Variants in AKAP9 observed in about 807,000 individuals in gnomAD.
AKAP9 encodes the protein A-kinase anchoring protein 9.
A neutral mutation model predicts 488.5 loss-of-function variants in AKAP9; 311 were observed. The ratio of observed to expected loss-of-function variants is 0.64; its 90% confidence interval spans 0.58 to 0.70. The LOEUF (loss-of-function observed/expected upper bound fraction) is 0.70, where lower values mean the gene tolerates loss of function less well. Ranked by LOEUF, AKAP9 falls within the 30% of genes least tolerant of loss-of-function variation. The pLI is 0.00. For synonymous variants in AKAP9, 1,462 were observed against 1,483.5 expected (o/e 0.99, Z 0.33); for missense variants, 4,215 against 4,374.5 (o/e 0.96, Z 1.03).
At position 92,070,019 on chromosome 7, in the gene AKAP9, T is replaced by G; in HGVS notation, c.6331-11T>G. ...TTTTTTAAATTAAATTTTTTGCCTC[T>G]TATATTTCAGGTTGAACAGTTAGCA... is the stretch of plus-strand genomic sequence containing the variant. On this transcript the variant is annotated splice_polypyrimidine_tract_variant and intron_variant, in intron 26 of 49. Transcript: ENST00000356239. 1 of 1,609,140 alleles carries G rather than the reference T, an allele frequency of 6.2e-7. No individual in the cohort carries two copies. The highest frequency in any genetic ancestry group is 8.5e-7 in the Non-Finnish European group (1 of 1,178,778).
chr7:92,069,080 A>G (rs1811253382), intron 26 of AKAP9, among the ~76,000 whole-genome samples: 1 of 152,194 alleles, frequency 6.6e-6, no homozygotes, highest in Non-Finnish European at 1.5e-5. Context: ...GACTAGAGAC[A>G]TTTAGGGAAA....
At chr7:92,018,191 T>C (rs978637104) in intron 12 of AKAP9, among the ~76,000 whole-genome samples, 7 of 152,116 alleles carry the variant, frequency 4.6e-5, no homozygotes, top group African/African-American at 1.7e-4. Flanking sequence ...TTTTAATCTA[T>C]TAATTTTATA....
intron 3 of AKAP9, among the ~76,000 whole-genome samples, chr7:91,989,039 C>T (rs1421142253): frequency 1.3e-5 from 2 of 152,124 alleles, no homozygotes; most frequent in Non-Finnish European, 2.9e-5. Context: ...GTTTGGCATA[C>T]ATTAGACGTT....
intron 44 of AKAP9, 28 bp downstream of exon 44, chr7:92,099,897 ATG>A: frequency 6.2e-7 from 1 of 1,606,866 alleles, no homozygotes; most frequent in East Asian, 2.2e-5. Context: ...ATCTCCATAT[ATG>A]AGAATTAGTG....
intron 2 of AKAP9, among the ~76,000 whole-genome samples, chr7:91,974,734 C>G (rs1243945101): frequency 2.0e-5 from 3 of 152,204 alleles, no homozygotes; most frequent in Non-Finnish European, 2.9e-5. Flanking sequence ...CCTATGAACA[C>G]AGGATTTTTT....
Position 92,083,669 on chromosome 7 carries a change from A to G in AKAP9, c.8646+14A>G. ...AGAAGTAAAGAGGTATTTGGTTTTT[A>G]TAATATGTGTTTTTCAACATTGTGT... On this transcript the variant is annotated intron_variant, in intron 33 of 49. Transcript: ENST00000356239. 6.2e-7 allele frequency: 1 copy of G among 1,609,252 alleles called. No homozygotes were observed. The highest frequency in any genetic ancestry group is 8.5e-7 in the Non-Finnish European group (1 of 1,179,002).
Position 92,089,471 on chromosome 7 carries a change from A to G in AKAP9, c.9300A>G (p.Gln3100=). 1 of 1,613,394 alleles carries G rather than the reference A, an allele frequency of 6.2e-7. No homozygotes were observed. ...LLSEIQALHA[Q]MNGRKITLKR... is the part of the protein sequence containing the mutation. ...CTGAAATTCAGGCACTGCATGCACA[A>G]ATGAATGGTAGGAAAATTACTCTGA... is the stretch of plus-strand genomic sequence containing the variant. Residue 3100 remains glutamine, a synonymous_variant, in exon 38 of 50, where the codon CAA becomes CAG. Transcript: ENST00000356239.
intron 5 of AKAP9, 103 bp from the exon 6 acceptor site, chr7:91,994,518 G>C (rs1483834432): frequency 3.1e-6 from 3 of 978,068 alleles, no homozygotes; most frequent in Non-Finnish European, 3.1e-6. Flanking sequence ...ATTACAAAGT[G>C]TAAGAATTAT....
At chr7:92,091,102 G>A (rs1342059243) in intron 38 of AKAP9, among the ~76,000 whole-genome samples, 1 of 152,114 alleles carries the variant, frequency 6.6e-6, no homozygotes, top group African/African-American at 2.4e-5. Context: ...GGTACTTTTT[G>A]ATAACAGTAT....
rs527278611 is a variant in AKAP9, at chr7:91,961,742, G to A, written c.49-11969G>A. 2.6e-5 allele frequency among the ~76,000 whole-genome samples: 4 copies of A among 151,914 alleles called. No homozygotes were observed. In the East Asian group the frequency reaches 7.9e-4, roughly 30 times the overall value. On this transcript the variant is annotated intron_variant, in intron 1 of 49. Coordinates refer to ENST00000356239, the MANE Select transcript of AKAP9 (RefSeq NM_005751.5). ...GCCTGTAGTCCCAGCTACTCGGGAG[G>A]CTGAGTCAGGAGAATGGCGTGAACT... is the stretch of plus-strand genomic sequence containing the variant.
rs1302730178 is a variant in AKAP9, at chr7:92,073,043, G to A, written c.6612+2034G>A. Among the ~76,000 whole-genome samples, 4 of 152,234 alleles carry A rather than the reference G, an allele frequency of 2.6e-5. No homozygotes were observed. The East Asian group carries it at 7.7e-4, about 29-fold the overall frequency. ...AAAGCATTGGGGCCCATTTTGTCTT[G>A]TTGGTGAGAAGTGTTAAAGACTGCC... On this transcript the variant is annotated intron_variant, in intron 28 of 49. Transcript: ENST00000356239.
At chr7:92,083,728 T>A (rs1814023356) in intron 33 of AKAP9, 73 bp downstream of exon 33, 1 of 1,523,936 alleles carries the variant, frequency 6.6e-7, no homozygotes, top group African/African-American at 1.4e-5. Flanking sequence ...GTTTAATTCA[T>A]TTTGTAGATG....
intron 39 of AKAP9, among the ~76,000 whole-genome samples, chr7:92,094,789 C>T (rs538560838): frequency 1.3e-5 from 2 of 152,160 alleles, no homozygotes; most frequent in African/African-American, 2.4e-5. Context: ...GCCGAGATGG[C>T]GCTACTGCAC....
intron 1 of AKAP9, among the ~76,000 whole-genome samples, chr7:91,963,761 G>A (rs6954751): frequency 0.015 from 2,206 of 152,022 alleles, 45 homozygotes; most frequent in African/African-American, 0.05. Context: ...CTTGTGATCC[G>A]CCCGCCTCAG....
rs143627839 is a variant in AKAP9 at position 92,097,156 on chromosome 7, T to C, written c.10197T>C (p.Thr3399=). 2.3e-3 allele frequency: 3,662 copies of C among 1,614,006 alleles called. 4 individuals are homozygous for C. Among genetic ancestry groups the C allele is most frequent in the Non-Finnish European group, 2.9e-3 (3,380 of 1,179,994 alleles). The change falls in exon 41 of 50, where the codon ACT becomes ACC. Residue 3399 remains threonine, a synonymous_variant. Coordinates refer to ENST00000356239, the MANE Select transcript of AKAP9 (RefSeq NM_005751.5). ...TGCAGACAGAACAGGAGGCCAACACTGAGGGACAGAAAAAAATGCATGAGC... is the reference window on the plus strand; with the variant it reads ...TGCAGACAGAACAGGAGGCCAACACCGAGGGACAGAAAAAAATGCATGAGC... ...KTLQTEQEAN[T]EGQKKMHELQ...
In AKAP9 at chr7:92,110,653, G is replaced by T. The variant is rs886062483; in HGVS notation, c.*494G>T. Reference sequence around the variant, plus strand: ...TTTTGTCAAGTACTGAAATAAAAATGACTTCACCATTTTCACCACACTGTA... The same window carrying T: ...TTTTGTCAAGTACTGAAATAAAAATTACTTCACCATTTTCACCACACTGTA... On this transcript the variant is annotated 3_prime_UTR_variant, in exon 50 of 50. Transcript: ENST00000356239. 2.0e-5 allele frequency: 4 copies of T among 199,100 alleles called. No homozygotes were observed. Among genetic ancestry groups the T allele is most frequent in the Non-Finnish European group, 4.1e-5 (4 of 96,528 alleles). 12.3% of individuals were successfully genotyped at this position (199,100 alleles called of 1,614,324 possible). A position where few individuals can be genotyped will look rare whatever the true frequency, so the allele number is the denominator to read the frequency against.
chr7:91,982,299 G>A (rs1259614540), intron 3 of AKAP9, among the ~76,000 whole-genome samples: 1 of 151,848 alleles, frequency 6.6e-6, no homozygotes, highest in Non-Finnish European at 1.5e-5. Context: ...CCATCAACTC[G>A]TCATTTACAT....
chr7:92,002,645 G>A lies in AKAP9; in HGVS notation c.2728G>A (p.Val910Met), dbSNP rs564064961. 1.2e-6 allele frequency: 2 copies of A among 1,613,130 alleles called. No individual in the cohort carries two copies. The highest frequency in any genetic ancestry group is 1.7e-6 in the Non-Finnish European group (2 of 1,179,546). The change falls in exon 8 of 50, where the codon GTG (valine) becomes ATG (methionine). Residue 910 changes from valine to methionine, a missense_variant. Transcript: ENST00000356239. Reference sequence around the variant, plus strand: ...TTTGCAAAGAATAAATCCAACTACAGTGAAAATGAAAAGTTCTGTCTTTGA... The same window carrying A: ...TTTGCAAAGAATAAATCCAACTACAATGAAAATGAAAAGTTCTGTCTTTGA... ...LHLQRINPTTVKMKSSVFDED... is the reference protein window; with the variant it reads ...LHLQRINPTTMKMKSSVFDED...
rs1802542679 is a variant in AKAP9 at position 92,022,952 on chromosome 7, A to T, written c.4091A>T (p.Glu1364Val). 2.5e-6 allele frequency: 4 copies of T among 1,614,096 alleles called. No individual in the cohort carries two copies. The highest frequency in any genetic ancestry group is 3.4e-6 in the Non-Finnish European group (4 of 1,179,950). Reference sequence around the variant, plus strand: ...GAAACTGAACAAAACTATGAGGCAGAGATCCACTGTTTACAGAAGAGGCTT... The same window carrying T: ...GAAACTGAACAAAACTATGAGGCAGTGATCCACTGTTTACAGAAGAGGCTT... ...LKETEQNYEAEIHCLQKRLQA... is the reference protein window; with the variant it reads ...LKETEQNYEAVIHCLQKRLQA... The change falls in exon 14 of 50, where the codon GAG becomes GTG. Residue 1364 changes from glutamate (E) to valine (V), a missense_variant. Physicochemically the swap from Glu to Val is moderately radical, Grantham distance 121. Coordinates refer to ENST00000356239, the MANE Select transcript of AKAP9 (RefSeq NM_005751.5).
Sources: allele counts gnomAD v4.1 joint callset (sites outside exome capture counted in the v4.1 genomes callset), GRCh38; gene constraint gnomAD v4.1.1; transcripts MANE v1.5; gene names NCBI Gene and HGNC (gene_info 2026-07-23, HGNC 2026-07-21).